The following TRPC4AP variants were observed in gnomAD, a reference collection of about 807,000 sequenced individuals.
TRPC4AP encodes short transient receptor potential channel 4-associated protein.
TRPC4AP carries 45 observed loss-of-function variants against 99.0 expected under a neutral mutation model. The observed-to-expected ratio is 0.45, with a 90% confidence interval of 0.36 to 0.58. The LOEUF (loss-of-function observed/expected upper bound fraction) is 0.58. Among genes scored for constraint, TRPC4AP ranks in the 20% least tolerant of loss-of-function variants. The pLI, the probability that TRPC4AP is intolerant of heterozygous loss-of-function variation, is 0.00. For missense variants in TRPC4AP, 879 were observed against 985.3 expected, an observed-to-expected ratio of 0.89 and a Z score of 1.44; for synonymous variants, 408 against 385.8, an observed-to-expected ratio of 1.06 and a Z score of -0.67.
At chr20:35,005,833 G>C (rs750957719) in intron 15 of TRPC4AP, 30 bp from the exon 16 acceptor site, 4 of 1,598,910 alleles carry the variant, frequency 2.5e-6, no homozygotes, top group Non-Finnish European at 3.4e-6. Context: ...ACAGCAGGCA[G>C]TGGGCTGCTG....
intron 13 of TRPC4AP, among the ~76,000 whole-genome samples, chr20:35,008,415 C>T (rs1600500784): frequency 2.0e-5 from 3 of 152,292 alleles, no homozygotes; most frequent in East Asian, 3.9e-4. Context: ...CTAGTTCTCT[C>T]CCACCCATAA....
chr20:35,068,637 TC>T (rs2084207921), intron 3 of TRPC4AP, among the ~76,000 whole-genome samples: 1 of 152,092 alleles, frequency 6.6e-6, no homozygotes, highest in South Asian at 2.1e-4. Flanking sequence ...TTCTCCTGCC[TC>T]AGCCTCCTGA....
chr20:35,004,402 AAAGG>A, intron 17 of TRPC4AP, 52 bp downstream of exon 17: 1 of 1,482,986 alleles, frequency 6.7e-7, no homozygotes. Context: ...GCACCAGGAC[AAAGG>A]AAGTGGTTTC....
At chr20:35,033,497 A>G (rs1465567972) in intron 8 of TRPC4AP, among the ~76,000 whole-genome samples, 1 of 152,154 alleles carries the variant, frequency 6.6e-6, no homozygotes, top group Non-Finnish European at 1.5e-5. Flanking sequence ...AGGCTCTACT[A>G]ACTGCTGACT....
At chr20:35,060,824 TAGAAG>T (rs763387338) in intron 3 of TRPC4AP, among the ~76,000 whole-genome samples, 2 of 152,088 alleles carry the variant, frequency 1.3e-5, no homozygotes, top group Non-Finnish European at 2.9e-5. Flanking sequence ...CAACAAGGAA[TAGAAG>T]AGAACTTCTT....
At chr20:35,080,183 T>C (rs917924086) in intron 1 of TRPC4AP, among the ~76,000 whole-genome samples, 1 of 152,048 alleles carries the variant, frequency 6.6e-6, no homozygotes, top group Non-Finnish European at 1.5e-5. Flanking sequence ...GAGACCATTA[T>C]GCTAAATCAA....
rs2084914895 is a variant in TRPC4AP at position 35,087,336 on chromosome 20, CTCAAAAAAAAAAAAAAAGTCAGTGA to C, written c.168+5253_168+5277del. On this transcript the variant is annotated intron_variant, in intron 1 of 18. Transcript: ENST00000252015. ...CCTGGGCAACAGAGCGAGACTCCAT[CTCAAAAAAAAAAAAAAAGTCAGTGA>C]ATCTAAAGAAAAAATATAAAGTAAG... is the stretch of plus-strand genomic sequence containing the variant. Among the ~76,000 whole-genome samples the C allele has an allele frequency of 6.7e-5, 8 of 120,152 alleles. 1 individual carries two copies. The South Asian group carries it at 2.1e-3, about 32-fold the overall frequency. 78.8% of individuals were successfully genotyped at this position (120,152 alleles called of 152,430 possible). A position where few individuals can be genotyped will look rare whatever the true frequency, so the allele number is the denominator to read the frequency against.
At chr20:35,068,967 ACACACAC>A (rs2084223560) in intron 3 of TRPC4AP, among the ~76,000 whole-genome samples, 1 of 62,236 alleles carries the variant, frequency 1.6e-5, no homozygotes, top group East Asian at 4.9e-4. Flanking sequence ...ACACACACAC[ACACACAC>A]ACACAAAAAA....
chr20:35,069,443 G>A, intron 2 of TRPC4AP, 31 bp from the exon 3 acceptor site: 1 of 1,397,686 alleles, frequency 7.2e-7, no homozygotes, highest in Non-Finnish European at 1.0e-6. Context: ...TACATACATT[G>A]TTTTAGTAAC....
intron 2 of TRPC4AP, among the ~76,000 whole-genome samples, chr20:35,070,366 C>CG (rs2084275065): frequency 6.6e-6 from 1 of 152,078 alleles, no homozygotes. Flanking sequence ...ATCTACAACT[C>CG]ATTTGTAACA....
chr20:35,041,611 C>T lies in TRPC4AP; in HGVS notation c.865+2894G>A, dbSNP rs1262318974. On this transcript the variant is annotated intron_variant, in intron 7 of 18. Coordinates refer to ENST00000252015, the MANE Select transcript of TRPC4AP (RefSeq NM_015638.3). Reference sequence around the variant, plus strand: ...TTCTCAGTTAATCAAAAAAGCCCAGCTGACCAGAACAGTTCATTCCTCAAG... The same window carrying T: ...TTCTCAGTTAATCAAAAAAGCCCAGTTGACCAGAACAGTTCATTCCTCAAG... Among the ~76,000 whole-genome samples, 5 of 152,172 alleles carry T rather than the reference C, an allele frequency of 3.3e-5. No individual in the cohort carries two copies. In the East Asian group the frequency reaches 7.7e-4, roughly 23 times the overall value.
chr20:35,035,359 AC>A (rs1569107091), intron 7 of TRPC4AP, 51 bp from the exon 8 acceptor site: 1 of 1,573,510 alleles, frequency 6.4e-7, no homozygotes, highest in Non-Finnish European at 8.7e-7. Context: ...GACCAGCAAA[AC>A]TACCCCTAAA....
Position 35,004,494 on chromosome 20 carries a change from G to A in TRPC4AP, c.2013C>T (p.Arg671=), listed in dbSNP as rs1338169884. The A allele has an allele frequency of 4.3e-6, 7 of 1,614,096 alleles. No homozygotes were observed. Among genetic ancestry groups the A allele is most frequent in the Non-Finnish European group, 5.9e-6 (7 of 1,179,974 alleles). ...QVPTQMSFLF[R]LINIIHVQTL... ...TCTGCACGTGGATGATGTTGATGAG[G>A]CGGAAGAGGAAGGACATCTGCGTGG... is the stretch of plus-strand genomic sequence containing the variant. The change falls in exon 17 of 19, where the codon CGC becomes CGT. Residue 671 remains arginine, a synonymous_variant. Transcript: ENST00000252015.
intron 1 of TRPC4AP, 21 bp from the exon 2 acceptor site, chr20:35,078,195 G>C: frequency 6.2e-7 from 1 of 1,609,930 alleles, no homozygotes; most frequent in Non-Finnish European, 8.5e-7. Context: ...AAAAAAGAGA[G>C]AACATATTAT....
chr20:35,047,363 T>C (rs2083584230), intron 6 of TRPC4AP, among the ~76,000 whole-genome samples: 1 of 152,236 alleles, frequency 6.6e-6, no homozygotes, highest in Admixed American at 6.5e-5. Context: ...ATGAAAATGA[T>C]ATACTACCTA....
At chr20:35,072,080 C>G (rs1391463805) in intron 2 of TRPC4AP, among the ~76,000 whole-genome samples, 1 of 152,214 alleles carries the variant, frequency 6.6e-6, no homozygotes, top group Non-Finnish European at 1.5e-5. Flanking sequence ...GCATAAACGT[C>G]TTCTTTTGAA....
intron 8 of TRPC4AP, chr20:35,030,258 A>AG (rs1484285009): frequency 1.5e-4 from 22 of 149,976 alleles, no homozygotes; most frequent in Admixed American, 6.6e-4. Flanking sequence ...AAAAAAAAAA[A>AG]AAGAAGTTGC....
rs2082412595 is a variant in TRPC4AP, at chr20:35,002,426, T to TAATA, written c.*716_*719dup. The TAATA allele has an allele frequency of 4.8e-6, 2 of 414,490 alleles. No homozygotes were observed. The highest frequency in any genetic ancestry group is 2.0e-4 in the South Asian group (2 of 9,886). 25.7% of individuals were successfully genotyped at this position (414,490 alleles called of 1,614,324 possible). A position where few individuals can be genotyped will look rare whatever the true frequency, so the allele number is the denominator to read the frequency against. ...CAGTCATTTTTAAAATAAAGTTATT[T>TAATA]AATAGTCTCCATTTAATTGGTTTAT... On this transcript the variant is annotated 3_prime_UTR_variant, in exon 19 of 19. Coordinates refer to ENST00000252015, the MANE Select transcript of TRPC4AP (RefSeq NM_015638.3).
chr20:35,034,356 C>T (rs114377251), intron 8 of TRPC4AP, among the ~76,000 whole-genome samples: 39 of 152,102 alleles, frequency 2.6e-4, no homozygotes, highest in African/African-American at 8.9e-4. Flanking sequence ...AACCTCTGTA[C>T]ATGAGCAAGC....
Sources: gnomAD v4.1 joint callset for allele counts (sites outside exome capture counted in the v4.1 genomes callset) on GRCh38, gnomAD v4.1.1 for gene constraint, MANE v1.5 for transcripts, NCBI Gene and HGNC (gene_info 2026-07-23, HGNC 2026-07-21) for gene names.